The following SPATA1 variants were observed in gnomAD, a reference collection of about 807,000 sequenced individuals.
SPATA1 encodes the protein spermatogenesis-associated protein 1.
Under a neutral mutation model 59.6 loss-of-function variants are expected in SPATA1, and 57 were observed. That is an observed-to-expected ratio of 0.96 (90% CI 0.77 to 1.19). SPATA1 has a LOEUF of 1.19. Ranked by LOEUF, SPATA1 falls within the 50% of genes most tolerant of loss-of-function variation. The probability of loss-of-function intolerance (pLI) is 0.00; values close to 1 mark genes in which losing one functional copy is unlikely to be tolerated. For synonymous variants in SPATA1, 147 were observed against 163.9 expected, an observed-to-expected ratio of 0.90 and a Z score of 0.79; for missense variants, 448 against 480.7, an observed-to-expected ratio of 0.93 and a Z score of 0.64.
chr1:84,536,030 G>A (rs1297103265), intron 8 of SPATA1, among the ~76,000 whole-genome samples: 2 of 152,112 alleles, frequency 1.3e-5, no homozygotes, highest in Non-Finnish European at 2.9e-5. Context: ...AACCTGCACT[G>A]AACTGATTCA....
At chr1:84,536,183 C>A (rs1272845412) in intron 8 of SPATA1, among the ~76,000 whole-genome samples, 2 of 152,106 alleles carry the variant, frequency 1.3e-5, no homozygotes, top group Non-Finnish European at 2.9e-5. Context: ...AGATTCAGAG[C>A]AGGAATGAAA....
intron 4 of SPATA1, among the ~76,000 whole-genome samples, chr1:84,560,377 T>C (rs1053433389): frequency 4.6e-5 from 7 of 152,156 alleles, no homozygotes; most frequent in Admixed American, 2.6e-4. Flanking sequence ...GAACAGACAG[T>C]CCTTGCTGAG....
intron 12 of SPATA1, chr1:84,551,778 CTG>C (rs1684280343): frequency 6.6e-6 from 1 of 152,100 alleles, no homozygotes; most frequent in Non-Finnish European, 1.5e-5. Flanking sequence ...TGAAGGAAAA[CTG>C]TCTATTCAAT....
At chr1:84,551,059 A>G (rs1163168870) in intron 12 of SPATA1, 1 of 985,208 alleles carries the variant, frequency 1.0e-6, no homozygotes, top group African/African-American at 1.7e-5. Context: ...GATGCTTAGT[A>G]GAGGCTTCTG....
chr1:84,508,936 G>T (rs1000222999), intron 1 of SPATA1, among the ~76,000 whole-genome samples: 1 of 152,130 alleles, frequency 6.6e-6, no homozygotes, highest in Admixed American at 6.5e-5. Context: ...AAAATGGGAA[G>T]ATACTCCATG....
chr1:84,562,757 A>T (rs1684618136), intron 4 of SPATA1, among the ~76,000 whole-genome samples: 1 of 152,170 alleles, frequency 6.6e-6, no homozygotes. Context: ...GTAAGTTTTG[A>T]CATTGCTTTA....
chr1:84,520,357 A>G, intron 2 of SPATA1: 1 of 419,420 alleles, frequency 2.4e-6, no homozygotes, highest in African/African-American at 2.1e-5. Context: ...AGCTAATCTC[A>G]TAGCCACATC....
chr1:84,534,653 A>G (rs1683601022), intron 8 of SPATA1, among the ~76,000 whole-genome samples: 1 of 152,142 alleles, frequency 6.6e-6, no homozygotes, highest in Admixed American at 6.5e-5. Context: ...AAAACCAGTT[A>G]GATAGCATTT....
chr1:84,547,981 T>C lies in SPATA1; in HGVS notation c.947-805T>C, dbSNP rs550716468. ...CAGTTAGAAAGAGAATGCAGACTTC[T>C]TGGTAAAAGATGACATTGACTAAGG... On this transcript the variant is annotated intron_variant, in intron 10 of 12. Transcript: ENST00000490879. Among the ~76,000 whole-genome samples the C allele has an allele frequency of 6.2e-4, 94 of 152,298 alleles. 1 individual carries two copies. Among genetic ancestry groups the C allele is most frequent in the Non-Finnish European group, 1.1e-3 (73 of 68,020 alleles).
chr1:84,513,518 T>C lies in SPATA1; in HGVS notation c.-137-2705T>C, dbSNP rs947247602. 5.9e-5 allele frequency among the ~76,000 whole-genome samples: 9 copies of C among 152,220 alleles called. No individual in the cohort carries two copies. The South Asian group carries it at 6.2e-4, about 11-fold the overall frequency. On this transcript the variant is annotated intron_variant, in intron 1 of 12. Coordinates refer to ENST00000490879, the Ensembl canonical transcript of SPATA1. ...TTAGCACAAGCAATGAGGAGATTAT[T>C]GTAAAGAGCAACATAGAGCAGCAGT... is the stretch of plus-strand genomic sequence containing the variant.
At chr1:84,549,860 T>C (rs931385250) in intron 11 of SPATA1, 7 of 136,094 alleles carry the variant, frequency 5.1e-5, no homozygotes, top group African/African-American at 2.2e-4. Flanking sequence ...GGTTTGTCCA[T>C]AGTAGTTGGT....
intron 2 of SPATA1, 75 bp from the exon 3 acceptor site, chr1:84,520,510 A>G (rs1435400486): frequency 2.3e-6 from 2 of 883,964 alleles, no homozygotes; most frequent in African/African-American, 3.8e-5. Context: ...ATTAAACTTA[A>G]TTCTATAGGA....
intron 1 of SPATA1, among the ~76,000 whole-genome samples, chr1:84,513,205 G>T (rs1390245621): frequency 6.6e-6 from 1 of 152,106 alleles, no homozygotes; most frequent in Non-Finnish European, 1.5e-5. Context: ...GCGCAATCTC[G>T]GCTCTCCGCA....
exon 13 of SPATA1, chr1:84,553,740 A>G (rs919094499): frequency 2.6e-5 from 4 of 152,182 alleles, no homozygotes; most frequent in African/African-American, 9.6e-5. Context: ...TATTCTCATA[A>G]CAGATGGTTC....
intron 6 of SPATA1, among the ~76,000 whole-genome samples, chr1:84,527,912 G>C (rs1365673509): frequency 6.6e-6 from 1 of 152,106 alleles, no homozygotes; most frequent in African/African-American, 2.4e-5. Flanking sequence ...TGTATTTTTA[G>C]TAGAGGCAGG....
intron 12 of SPATA1, chr1:84,550,807 CA>C (rs572940816): frequency 1.4e-5 from 14 of 1,015,844 alleles, no homozygotes; most frequent in East Asian, 8.2e-5. Context: ...AATATATTCT[CA>C]AAAAAAATTT....
At chr1:84,566,018 GA>G in exon 5 of SPATA1, 10 of 1,504,876 alleles carry the variant, frequency 6.6e-6, no homozygotes, top group South Asian at 4.2e-5. Context: ...GTTACCTGTG[GA>G]AAAAAATCTT....
intron 8 of SPATA1, among the ~76,000 whole-genome samples, chr1:84,538,168 T>G (rs903624018): frequency 2.0e-5 from 3 of 152,230 alleles, no homozygotes; most frequent in Non-Finnish European, 4.4e-5. Context: ...TGGGCCTTAG[T>G]GTCAAGTGGT....
exon 13 of SPATA1, chr1:84,554,423 C>T (rs927078845): frequency 5.9e-5 from 9 of 152,160 alleles, no homozygotes; most frequent in African/African-American, 1.9e-4. Flanking sequence ...AATTCTCACT[C>T]ACTGTCCAAA....
Sources: gnomAD v4.1 joint callset for allele counts (sites outside exome capture counted in the v4.1 genomes callset) on GRCh38, gnomAD v4.1.1 for gene constraint, MANE v1.5 for transcripts, NCBI Gene and HGNC (gene_info 2026-07-23, HGNC 2026-07-21) for gene names.